Variants in MRPL38 observed in about 807,000 individuals in gnomAD.
MRPL38 encodes the protein large ribosomal subunit protein mL38.
Under a neutral mutation model 52.1 loss-of-function variants are expected in MRPL38, and 51 were observed. The ratio of observed to expected loss-of-function variants is 0.98; its 90% CI spans 0.78 to 1.24. The LOEUF is 1.24. MRPL38 is among the 50% of genes most tolerant of loss of function. MRPL38 has a pLI of 0.00. For missense variants in MRPL38, 527 were observed against 518.6 expected (o/e 1.02, Z -0.16); for synonymous variants, 245 against 212.7 (o/e 1.15, Z -1.32).
At chr17:75,899,494 A>G (rs2065393965) in intron 7 of MRPL38, 22 bp downstream of exon 7, 1 of 1,562,414 alleles carries the variant, frequency 6.4e-7, no homozygotes, top group African/African-American at 1.4e-5. Context: ...AGGCCGGGTT[A>G]TGTGTGGGTG....
In MRPL38 at chr17:75,899,654, C is replaced by A. The variant is rs145518548; in HGVS notation, c.731G>T (p.Arg244Leu). ...ACACGTCACCTGTCCTTCAGCCACC[C>A]GGTTACCCGGGATGTTGGTTCTGGG... ...HWLLTNIPGN[R>L]VAEGQVTCPY... The change falls in exon 7 of 9, where the codon CGG becomes CTG. Residue 244 changes from arginine to leucine, a missense_variant. Coordinates refer to ENST00000309352, the MANE Select transcript of MRPL38 (RefSeq NM_032478.4). 2 of 1,579,724 alleles carry A rather than the reference C, an allele frequency of 1.3e-6. No individual in the cohort carries two copies. Among genetic ancestry groups the A allele is most frequent in the Non-Finnish European group, 1.7e-6 (2 of 1,161,208 alleles).
chr17:75,900,938 C>A, intron 6 of MRPL38, 44 bp downstream of exon 6: 1 of 1,577,018 alleles, frequency 6.3e-7, no homozygotes, highest in Non-Finnish European at 8.6e-7. Flanking sequence ...AGCTCCTCTT[C>A]CCGCCTGGGC....
At chr17:75,900,735 AAAAG>A (rs2065400046) in intron 6 of MRPL38, 23 of 1,314,666 alleles carry the variant, frequency 1.7e-5, no homozygotes, top group East Asian at 5.9e-5. Context: ...AAAAAAAAAA[AAAAG>A]AAAAGAAAAG....
chr17:75,904,770 G>GACCC, intron 1 of MRPL38, 39 bp downstream of exon 1: 5 of 500,002 alleles, frequency 1.0e-5, no homozygotes, highest in South Asian at 8.5e-5. Flanking sequence ...TCGGGCGACA[G>GACCC]CCCCCCCCCC....
In MRPL38 at chr17:75,898,879, T is replaced by A. The variant is rs141165409; in HGVS notation, c.1114A>T (p.Ser372Cys). The change falls in exon 9 of 9, where the codon AGT becomes TGT. Residue 372 changes from serine to cysteine, a missense_variant. Physicochemically the swap from Ser to Cys is moderately radical, Grantham distance 112 (BLOSUM62 -1). Transcript: ENST00000309352. ...TAGATGCCATAGGTGGGCTCATGACTGTCCCTGTACCGGTCCAGGTAGCGC... is the reference window on the plus strand; with the variant it reads ...TAGATGCCATAGGTGGGCTCATGACAGTCCCTGTACCGGTCCAGGTAGCGC... Reference protein sequence around the residue: ...PLRYLDRYRDSHEPTYGIY With the variant: ...PLRYLDRYRDCHEPTYGIY 3.1e-6 allele frequency: 5 copies of A among 1,611,992 alleles called. No individual in the cohort carries two copies. Among genetic ancestry groups the A allele is most frequent in the Admixed American group, 1.7e-5 (1 of 59,896 alleles).
chr17:75,903,361 G>A (rs976392965), intron 2 of MRPL38, among the ~76,000 whole-genome samples: 9 of 152,148 alleles, frequency 5.9e-5, no homozygotes, highest in East Asian at 1.9e-4. Context: ...GTGAGTCATC[G>A]CACCACTGCA....
intron 2 of MRPL38, among the ~76,000 whole-genome samples, chr17:75,902,817 G>A (rs777190993): frequency 4.6e-5 from 7 of 152,104 alleles, no homozygotes; most frequent in Non-Finnish European, 7.4e-5. Flanking sequence ...TGCCTCCCGG[G>A]TTCAAGCAAT....
At position 75,901,199 on chromosome 17, in the gene MRPL38, A is replaced by G. The variant is rs1252140387; in HGVS notation, c.664+2T>C. On this transcript the variant is annotated splice_donor_variant, in intron 5 of 8. Coordinates refer to ENST00000309352, the MANE Select transcript of MRPL38 (RefSeq NM_032478.4). LOFTEE classifies it high-confidence loss of function. This position sits in a 1 kb window ranked among gnomAD's most constrained non-coding sequence, Gnocchi z 5.7. ...GAGGCCTGGTGAGCCCCAGACACCC[A>G]CCCAAGCTAGTGAGTAGCAACGTCC... 1 of 1,613,238 alleles carries G rather than the reference A, an allele frequency of 6.2e-7. No homozygotes were observed.
chr17:75,904,784 CCCCG>C, intron 1 of MRPL38, 21 bp downstream of exon 1: 2 of 1,227,776 alleles, frequency 1.6e-6, no homozygotes, highest in South Asian at 3.3e-5. Flanking sequence ...CCCCCCCCCC[CCCCG>C]CAGAGCTGCC....
chr17:75,904,528 G>A lies in MRPL38; in HGVS notation c.247+12C>T, dbSNP rs201837828. On this transcript the variant is annotated intron_variant, in intron 2 of 8. Transcript: ENST00000309352. ...GGCGGTGGCTGCAGCCCCTGCTCCA[G>A]TCGCCCCGCACCTGTCTTCTCCCCG... 1,490 of 1,517,280 alleles carry A rather than the reference G, an allele frequency of 9.8e-4. 15 individuals are homozygous for A. The Middle Eastern group carries it at 0.026, about 27-fold the overall frequency. The allele number at this position is 1,517,280 out of a possible 1,614,324, so 94.0% of individuals were successfully genotyped here.
Position 75,901,965 on chromosome 17 carries a change from A to AC in MRPL38, c.383-46_383-45insG. The AC allele has an allele frequency of 8.9e-7, 1 of 1,125,622 alleles. No individual in the cohort carries two copies. The highest frequency in any genetic ancestry group is 1.2e-5 in the South Asian group (1 of 82,552). 69.7% of individuals were successfully genotyped at this position (1,125,622 alleles called of 1,614,324 possible). A position where few individuals can be genotyped will look rare whatever the true frequency, so the allele number is the denominator to read the frequency against. ...GTTGGGATACGGGGGTGGGGGGGGC[A>AC]GGGACACACCCTGTACCCCAACTCT... On this transcript the variant is annotated intron_variant, in intron 3 of 8. Transcript: ENST00000309352. This position sits in a 1 kb window ranked among gnomAD's most constrained non-coding sequence, Gnocchi z 5.7.
Position 75,901,214 on chromosome 17 carries a change from T to A in MRPL38, c.651A>T (p.Leu217=), listed in dbSNP as rs2065402951. The A allele has an allele frequency of 6.2e-7, 1 of 1,613,192 alleles. No individual in the cohort carries two copies. The highest frequency in any genetic ancestry group is 1.7e-5 in the Admixed American group (1 of 59,950). Residue 217 remains leucine (L), a synonymous_variant, in exon 5 of 9, where the codon CTA becomes CTT. Transcript: ENST00000309352. This position sits in a 1 kb window ranked among gnomAD's most constrained non-coding sequence, Gnocchi z 5.7. ...EAEEGSLWTL[L]LTSLDGHLLE... is the part of the protein sequence containing the mutation. ...CCAGACACCCACCCAAGCTAGTGAGTAGCAACGTCCACAAGGAGCCCTCTT... is the reference window on the plus strand; with the variant it reads ...CCAGACACCCACCCAAGCTAGTGAGAAGCAACGTCCACAAGGAGCCCTCTT...
At chr17:75,903,500 A>C (rs2065414611) in intron 2 of MRPL38, among the ~76,000 whole-genome samples, 1 of 152,206 alleles carries the variant, frequency 6.6e-6, no homozygotes, top group Admixed American at 6.5e-5. Context: ...GCCTCTTTTA[A>C]TCCTCACAGC....
Position 75,901,485 on chromosome 17 carries a change from GGAGGGCAC to G in MRPL38, c.591+219_592-213del, listed in dbSNP as rs2065404206. On this transcript the variant is annotated intron_variant, in intron 4 of 8. Coordinates refer to ENST00000309352, the MANE Select transcript of MRPL38 (RefSeq NM_032478.4). This position sits in a 1 kb window ranked among gnomAD's most constrained non-coding sequence, Gnocchi z 5.7. ...ACGAACATGTGCCAAGGCCGGGCCA[GGAGGGCAC>G]ACCACAGACAGCAGGCTGGTCACAG... 1.5e-6 allele frequency: 1 copy of G among 668,390 alleles called. No individual in the cohort carries two copies. Among genetic ancestry groups the G allele is most frequent in the Admixed American group, 2.5e-5 (1 of 39,806 alleles). The allele number at this position is 668,390 out of a possible 1,614,324, so 41.4% of individuals were successfully genotyped here.
intron 1 of MRPL38, 21 bp downstream of exon 1, chr17:75,904,788 G>A (rs773506258): frequency 2.7e-6 from 1 of 371,686 alleles, no homozygotes; most frequent in Non-Finnish European, 3.5e-6. Context: ...CCCCCCCCCC[G>A]CAGAGCTGCC....
Position 75,904,601 on chromosome 17 carries a change from C to A in MRPL38, c.186G>T (p.Glu62Asp). Reference protein sequence around the residue: ...RSFDRYRRRAEQEAQAPHWWR... With the variant: ...RSFDRYRRRADQEAQAPHWWR... ...ACCAGTGCGGGGCCTGCGCCTCCTG[C>A]TCTGCTCGGCGCCGGTAGCGGTCGA... Residue 62 changes from glutamate to aspartate, a missense_variant, in exon 2 of 9, where the codon GAG (glutamate) becomes GAT (aspartate). By Grantham distance (45) the Glu-to-Asp change is conservative (BLOSUM62 2). Transcript: ENST00000309352. 1 of 1,592,502 alleles carries A rather than the reference C, an allele frequency of 6.3e-7. No individual in the cohort carries two copies. Among genetic ancestry groups the A allele is most frequent in the Non-Finnish European group, 8.5e-7 (1 of 1,176,590 alleles).
In MRPL38 at chr17:75,904,553, G is replaced by C; in HGVS notation, c.234C>G (p.Phe78Leu). 1 of 1,558,984 alleles carries C rather than the reference G, an allele frequency of 6.4e-7. No homozygotes were observed. The highest frequency in any genetic ancestry group is 8.6e-7 in the Non-Finnish European group (1 of 1,162,566). ...PHWWRTYREY[F>L]GEKTDPKEKI... Reference sequence around the variant, plus strand: ...GTCGCCCCGCACCTGTCTTCTCCCCGAAATACTCTCGGTAGGTCCGCCACC... The same window carrying C: ...GTCGCCCCGCACCTGTCTTCTCCCCCAAATACTCTCGGTAGGTCCGCCACC... Residue 78 changes from phenylalanine to leucine, a missense_variant, in exon 2 of 9, where the codon TTC becomes TTG. Physicochemically the swap from Phe to Leu is conservative, Grantham distance 22 (BLOSUM62 0). Coordinates refer to ENST00000309352, the MANE Select transcript of MRPL38 (RefSeq NM_032478.4).
At chr17:75,904,146 A>G (rs1466013114) in intron 2 of MRPL38, 1 of 456,826 alleles carries the variant, frequency 2.2e-6, no homozygotes, top group Non-Finnish European at 4.5e-6. Flanking sequence ...CAAGACAAGC[A>G]GGATCCCTGT....
rs573887885 is a variant in MRPL38 at position 75,902,552 on chromosome 17, G to A, written c.248-398C>T. Among the ~76,000 whole-genome samples, 45 of 152,298 alleles carry A rather than the reference G, an allele frequency of 3.0e-4. No homozygotes were observed. In the East Asian group the frequency reaches 3.7e-3, roughly 12 times the overall value. On this transcript the variant is annotated intron_variant, in intron 2 of 8. Transcript: ENST00000309352. Reference sequence around the variant, plus strand: ...GCAAGCCACTGCACCCAGTGAGGGGGCGGGCACATCTTCTTGGTTAAACTG... The same window carrying A: ...GCAAGCCACTGCACCCAGTGAGGGGACGGGCACATCTTCTTGGTTAAACTG...
Sources: allele counts gnomAD v4.1 joint callset (sites outside exome capture counted in the v4.1 genomes callset), GRCh38; gene constraint gnomAD v4.1.1; non-coding constraint Gnocchi (gnomAD v3.1); transcripts MANE v1.5; gene names NCBI Gene and HGNC (gene_info 2026-07-23, HGNC 2026-07-21).